BCAS1: variants seen among roughly 807,000 people sequenced by gnomAD.
BCAS1 encodes the protein brain enriched myelin associated protein 1.
Under a neutral mutation model 65.4 loss-of-function variants are expected in BCAS1, and 46 were observed. That is an observed-to-expected ratio of 0.70 (90% confidence interval 0.55 to 0.90). BCAS1 has a LOEUF of 0.90. Ranked by LOEUF, BCAS1 falls within the 40% of genes least tolerant of loss-of-function variation. The probability of loss-of-function intolerance (pLI) is 0.00; values close to 1 mark genes in which losing one functional copy is unlikely to be tolerated. For missense variants in BCAS1, 793 were observed against 771.2 expected (o/e 1.03, Z -0.33); for synonymous variants, 298 against 293.5 (o/e 1.02, Z -0.16).
intron 3 of BCAS1, among the ~76,000 whole-genome samples, chr20:54,045,784 C>A (rs1471763712): frequency 6.6e-6 from 1 of 152,212 alleles, no homozygotes; most frequent in Non-Finnish European, 1.5e-5. Flanking sequence ...TTAATTCTGG[C>A]ATGTAATGCT....
chr20:54,060,918 A>T (rs2092369568), intron 1 of BCAS1, among the ~76,000 whole-genome samples: 1 of 152,226 alleles, frequency 6.6e-6, no homozygotes, highest in Non-Finnish European at 1.5e-5. Flanking sequence ...GATTGATAGC[A>T]TCTCTCACAT....
chr20:54,036,518 A>C (rs2091902376), intron 3 of BCAS1, among the ~76,000 whole-genome samples: 1 of 151,360 alleles, frequency 6.6e-6, no homozygotes, highest in African/African-American at 2.4e-5. Flanking sequence ...GGATCACAGG[A>C]ACCTGGCTTT....
At chr20:54,030,519 G>C (rs1485917549) in intron 3 of BCAS1, among the ~76,000 whole-genome samples, 1 of 151,908 alleles carries the variant, frequency 6.6e-6, no homozygotes, top group Non-Finnish European at 1.5e-5. Flanking sequence ...TCTGTTTGCA[G>C]GAAGACAGAA....
intron 4 of BCAS1, among the ~76,000 whole-genome samples, chr20:54,012,020 C>A (rs796578639): frequency 1.3e-5 from 2 of 152,292 alleles, no homozygotes; most frequent in African/African-American, 4.8e-5. Flanking sequence ...AACCAAACAT[C>A]AAACTGGTAC....
intron 1 of BCAS1, among the ~76,000 whole-genome samples, chr20:54,067,175 GAC>G (rs2092454526): frequency 6.6e-6 from 1 of 152,190 alleles, no homozygotes; most frequent in Non-Finnish European, 1.5e-5. Context: ...AGGTGTTTGA[GAC>G]CATCCTGGCC....
At chr20:53,949,040 C>T (rs2089427794) in intron 12 of BCAS1, among the ~76,000 whole-genome samples, 1 of 152,114 alleles carries the variant, frequency 6.6e-6, no homozygotes, top group Non-Finnish European at 1.5e-5. Context: ...TTGCGCTGCA[C>T]ACAATCTAGC....
At chr20:54,064,412 C>G (rs2092411553) in intron 1 of BCAS1, among the ~76,000 whole-genome samples, 1 of 152,220 alleles carries the variant, frequency 6.6e-6, no homozygotes, top group South Asian at 2.1e-4. Context: ...CTTCGGAGTC[C>G]ACAGACCACC....
At chr20:53,988,013 T>C (rs2090658624) in intron 7 of BCAS1, among the ~76,000 whole-genome samples, 1 of 152,072 alleles carries the variant, frequency 6.6e-6, no homozygotes, top group African/African-American at 2.4e-5. Flanking sequence ...AATCCAGGGG[T>C]TGGGGCTGAC....
At position 53,953,616 on chromosome 20, in the gene BCAS1, G is replaced by A. The variant is rs150457930; in HGVS notation, c.1631C>T (p.Ser544Phe). Reference protein sequence around the residue: ...TGAPQKGKEGSSKDKKSAAEM... With the variant: ...TGAPQKGKEGFSKDKKSAAEM... ...GGCTGCTGACTTCTTGTCCTTCGAGGAGCCCTCTTTACCCTTCTGTGGTGC... is the reference window on the plus strand; with the variant it reads ...GGCTGCTGACTTCTTGTCCTTCGAGAAGCCCTCTTTACCCTTCTGTGGTGC... Residue 544 changes from serine to phenylalanine, a missense_variant, in exon 12 of 13, where the codon TCC becomes TTC. By Grantham distance (155) the Ser-to-Phe change is radical. Transcript: ENST00000688948. 3.3e-5 allele frequency: 53 copies of A among 1,613,714 alleles called. No homozygotes were observed. The highest frequency in any genetic ancestry group is 4.3e-5 in the Non-Finnish European group (51 of 1,180,012).
chr20:54,067,459 C>T (rs948921003), intron 1 of BCAS1, among the ~76,000 whole-genome samples: 3 of 152,182 alleles, frequency 2.0e-5, no homozygotes, highest in Admixed American at 2.0e-4. Context: ...AGCGCCAGGG[C>T]TTGGCAGTAC....
chr20:54,028,069 C>T (rs1422200872), intron 4 of BCAS1, among the ~76,000 whole-genome samples: 1 of 152,208 alleles, frequency 6.6e-6, no homozygotes, highest in African/African-American at 2.4e-5. Context: ...ATGCCTTTTC[C>T]TCCAGAATCC....
chr20:53,959,096 AT>A (rs750103116), intron 10 of BCAS1, among the ~76,000 whole-genome samples: 1 of 152,012 alleles, frequency 6.6e-6, no homozygotes, highest in Non-Finnish European at 1.5e-5. Context: ...TTTTGATATT[AT>A]TATTGTTTTT....
At position 53,944,766 on chromosome 20, in the gene BCAS1, A is replaced by G. The variant is rs1220472746; in HGVS notation, c.*156T>C. On this transcript the variant is annotated 3_prime_UTR_variant, in exon 13 of 13. Transcript: ENST00000688948. ...ACTGGACCAGAGACGTAAATAATACACCTCAATATACAACAGCTCGGGCTT... is the reference window on the plus strand; with the variant it reads ...ACTGGACCAGAGACGTAAATAATACGCCTCAATATACAACAGCTCGGGCTT... The G allele has an allele frequency of 4.1e-6, 3 of 726,774 alleles. No homozygotes were observed. In the Admixed American group the frequency reaches 6.0e-5, roughly 15 times the overall value. 45.0% of individuals were successfully genotyped at this position (726,774 alleles called of 1,614,324 possible). A position where few individuals can be genotyped will look rare whatever the true frequency, so the allele number is the denominator to read the frequency against.
At chr20:54,064,957 C>T (rs1387159110) in intron 1 of BCAS1, among the ~76,000 whole-genome samples, 1 of 152,130 alleles carries the variant, frequency 6.6e-6, no homozygotes, top group Non-Finnish European at 1.5e-5. Flanking sequence ...AGTGGCATGT[C>T]CTGATACATC....
At chr20:53,958,889 A>C (rs2089784656) in intron 10 of BCAS1, among the ~76,000 whole-genome samples, 1 of 151,942 alleles carries the variant, frequency 6.6e-6, no homozygotes, top group Admixed American at 6.6e-5. Flanking sequence ...ACTCTAAACC[A>C]CCTCCCCATA....
intron 7 of BCAS1, among the ~76,000 whole-genome samples, chr20:53,985,784 C>T (rs2090601342): frequency 6.6e-6 from 1 of 152,086 alleles, no homozygotes; most frequent in South Asian, 2.1e-4. Context: ...AGACCCTTTG[C>T]TGTTAGAATA....
At chr20:54,009,095 G>A (rs774094655) in intron 4 of BCAS1, among the ~76,000 whole-genome samples, 1 of 152,218 alleles carries the variant, frequency 6.6e-6, no homozygotes, top group Admixed American at 6.5e-5. Context: ...TTACAGGCGT[G>A]AGCCACTGTG....
chr20:54,056,780 A>G (rs1329724442), intron 3 of BCAS1, among the ~76,000 whole-genome samples: 1 of 152,236 alleles, frequency 6.6e-6, no homozygotes, highest in Non-Finnish European at 1.5e-5. Flanking sequence ...TTCATTACTC[A>G]GGAAAGGAAA....
chr20:53,996,113 T>C (rs1434654581), intron 4 of BCAS1, 63 bp from the exon 5 acceptor site: 18 of 1,497,880 alleles, frequency 1.2e-5, no homozygotes, highest in Non-Finnish European at 1.6e-5. Flanking sequence ...AGTCATACTT[T>C]TGCTTCACAC....
Sources: gnomAD v4.1 joint callset for allele counts (sites outside exome capture counted in the v4.1 genomes callset) on GRCh38, gnomAD v4.1.1 for gene constraint, MANE v1.5 for transcripts, NCBI Gene and HGNC (gene_info 2026-07-23, HGNC 2026-07-21) for gene names.